The following CUL5 variants were observed in gnomAD, a reference collection of about 807,000 sequenced individuals.
The protein encoded by CUL5 is cullin-5.
In CUL5, 26 loss-of-function variants were observed where a neutral mutation model predicts 108.8. That is an observed-to-expected ratio of 0.24 (90% confidence interval 0.18 to 0.33). The LOEUF (loss-of-function observed/expected upper bound fraction) is 0.33. CUL5 is among the 10% of genes least tolerant of loss of function. The pLI, the probability that CUL5 is intolerant of heterozygous loss-of-function variation, is 1.00. For missense variants in CUL5, 524 were observed against 909.2 expected (o/e 0.58, Z 5.45); for synonymous variants, 334 against 298.0 (o/e 1.12, Z -1.25).
At chr11:108,080,182 C>G in intron 11 of CUL5, among the ~76,000 whole-genome samples, 1 of 150,952 alleles carries the variant, frequency 6.6e-6, no homozygotes, top group Non-Finnish European at 1.5e-5. Context: ...CTGCAGCCTC[C>G]ACCTCCTGGG....
At position 108,009,100 on chromosome 11, in the gene CUL5, T is replaced by C. The variant is rs1861990342; in HGVS notation, c.-249T>C. ...ACCTTCTCAGCATTCGCCGTTCCGG[T>C]CTTCCTGAGCGCGTGCATGAGGTCT... On this transcript the variant is annotated 5_prime_UTR_variant, in exon 1 of 19. Transcript: ENST00000393094. 1.8e-6 allele frequency: 1 copy of C among 553,884 alleles called. No homozygotes were observed. Among genetic ancestry groups the C allele is most frequent in the Non-Finnish European group, 3.2e-6 (1 of 309,178 alleles). 34.3% of individuals were successfully genotyped at this position (553,884 alleles called of 1,614,324 possible). A position where few individuals can be genotyped will look rare whatever the true frequency, so the allele number is the denominator to read the frequency against.
intron 12 of CUL5, among the ~76,000 whole-genome samples, chr11:108,089,212 T>A (rs1051647161): frequency 6.6e-6 from 1 of 152,006 alleles, no homozygotes; most frequent in Non-Finnish European, 1.5e-5. Context: ...CAGGGGGACA[T>A]TGATTTTTTT....
rs751830357 is a variant in CUL5 at position 108,024,782 on chromosome 11, T to TA, written c.25-9011dup. 1.8e-3 allele frequency among the ~76,000 whole-genome samples: 265 copies of TA among 150,992 alleles called. 1 individual carries two copies. The highest frequency in any genetic ancestry group is 2.8e-3 in the Non-Finnish European group (190 of 67,644). On this transcript the variant is annotated intron_variant, in intron 1 of 18. Transcript: ENST00000393094. ...TTAGTGAAATGCCATATATTTGCAA[T>TA]AAAAAAAAATAGTAGAAAATCTTGG...
rs1863310427 is a variant in CUL5, at chr11:108,054,061, G to A, written c.554-586G>A. ...GGGTTTTGCCATAGTGGCCAGGCTGGTCTTGAACTCCTGACCTCAAGTAAT... is the reference window on the plus strand; with the variant it reads ...GGGTTTTGCCATAGTGGCCAGGCTGATCTTGAACTCCTGACCTCAAGTAAT... On this transcript the variant is annotated intron_variant, in intron 5 of 18. Transcript: ENST00000393094. Among the ~76,000 whole-genome samples the A allele has an allele frequency of 2.6e-5, 4 of 152,106 alleles. No individual in the cohort carries two copies. In the South Asian group the frequency reaches 8.3e-4, roughly 32 times the overall value.
chr11:108,069,432 A>G (rs991943978), intron 7 of CUL5, among the ~76,000 whole-genome samples: 5 of 152,128 alleles, frequency 3.3e-5, no homozygotes, highest in Non-Finnish European at 2.9e-5. Context: ...TGGTATTCCT[A>G]GAATACGTAA....
At chr11:108,044,247 T>TATA (rs1863008599) in intron 2 of CUL5, among the ~76,000 whole-genome samples, 1 of 152,126 alleles carries the variant, frequency 6.6e-6, no homozygotes, top group Non-Finnish European at 1.5e-5. Context: ...CCAACCCCAG[T>TATA]GGCTCATGCC....
intron 8 of CUL5, among the ~76,000 whole-genome samples, chr11:108,070,999 TTTA>T (rs1276950107): frequency 1.3e-5 from 2 of 152,204 alleles, no homozygotes; most frequent in Non-Finnish European, 2.9e-5. Flanking sequence ...TTCAAAAGGA[TTTA>T]TTTAGTGGTA....
chr11:108,064,461 A>G (rs1180472881), intron 7 of CUL5, among the ~76,000 whole-genome samples: 1 of 152,192 alleles, frequency 6.6e-6, no homozygotes, highest in African/African-American at 2.4e-5. Flanking sequence ...TAATCCCAGC[A>G]CATTAGGAGG....
At chr11:108,068,475 C>A (rs112590413) in intron 7 of CUL5, among the ~76,000 whole-genome samples, 1 of 151,866 alleles carries the variant, frequency 6.6e-6, no homozygotes, top group Admixed American at 6.6e-5. Context: ...ATTCTTTATT[C>A]GGAAAATTTT....
intron 11 of CUL5, among the ~76,000 whole-genome samples, chr11:108,086,887 G>A (rs1024063204): frequency 1.3e-5 from 2 of 152,176 alleles, no homozygotes; most frequent in African/African-American, 4.8e-5. Context: ...AATGAGTTAG[G>A]TATCAGATCC....
Position 108,104,922 on chromosome 11 carries a change from A to AT in CUL5, c.*539dup, listed in dbSNP as rs1864754567. 6.6e-6 allele frequency: 1 copy of AT among 152,646 alleles called. No individual in the cohort carries two copies. The highest frequency in any genetic ancestry group is 2.4e-5 in the African/African-American group (1 of 41,468). The allele number at this position is 152,646 out of a possible 1,614,324, so 9.5% of individuals were successfully genotyped here. A position where few individuals can be genotyped will look rare whatever the true frequency, so the allele number is the denominator to read the frequency against. On this transcript the variant is annotated 3_prime_UTR_variant, in exon 19 of 19. Coordinates refer to ENST00000393094, the MANE Select transcript of CUL5 (RefSeq NM_003478.6). ...ATGTAGGTGAGAAGTTAAGTATTTAATAGTATCAAATTGTTCAAACATTGC... is the reference window on the plus strand; with the variant it reads ...ATGTAGGTGAGAAGTTAAGTATTTAATTAGTATCAAATTGTTCAAACATTGC...
At chr11:108,055,443 T>TA (rs1253322296) in intron 7 of CUL5, among the ~76,000 whole-genome samples, 1 of 152,040 alleles carries the variant, frequency 6.6e-6, no homozygotes, top group Non-Finnish European at 1.5e-5. Flanking sequence ...TGTCATGAGG[T>TA]AAAAATATTA....
intron 1 of CUL5, among the ~76,000 whole-genome samples, chr11:108,029,560 C>T (rs1467157010): frequency 2.0e-5 from 3 of 152,098 alleles, no homozygotes; most frequent in African/African-American, 7.2e-5. Flanking sequence ...ATAAGGCATT[C>T]TGTTTTGTAG....
In CUL5 at chr11:108,070,207, T is replaced by C; in HGVS notation, c.874+18T>C. 1.9e-6 allele frequency: 3 copies of C among 1,545,178 alleles called. No homozygotes were observed. The African/African-American group carries it at 4.1e-5, about 21-fold the overall frequency. On this transcript the variant is annotated intron_variant, in intron 8 of 18. Coordinates refer to ENST00000393094, the MANE Select transcript of CUL5 (RefSeq NM_003478.6). ...AACTGAAAGTAGGTAAAACATCACA[T>C]AAAGTTATCATAATCTTCTAAGAGG...
At chr11:108,022,516 AT>A (rs1426337059) in intron 1 of CUL5, among the ~76,000 whole-genome samples, 6 of 151,992 alleles carry the variant, frequency 3.9e-5, no homozygotes, top group African/African-American at 7.2e-5. Flanking sequence ...GGGGATATGC[AT>A]TTTTTTTAAG....
chr11:108,051,073 AT>A (rs1468547405), intron 4 of CUL5, among the ~76,000 whole-genome samples: 1 of 152,206 alleles, frequency 6.6e-6, no homozygotes, highest in Admixed American at 6.5e-5. Context: ...AGGCATTACA[AT>A]AGTGTAACCT....
chr11:108,095,065 A>G, intron 15 of CUL5, 78 bp downstream of exon 15: 1 of 1,279,786 alleles, frequency 7.8e-7, no homozygotes, highest in African/African-American at 1.5e-5. Flanking sequence ...TGCTTAAACA[A>G]AATAGATTTT....
chr11:108,039,210 G>A (rs142206248), intron 2 of CUL5, among the ~76,000 whole-genome samples: 17 of 151,938 alleles, frequency 1.1e-4, no homozygotes, highest in African/African-American at 4.1e-4. Flanking sequence ...AGTAGAGATG[G>A]GGTTTCTTCA....
At chr11:108,037,776 A>G (rs1391745779) in intron 2 of CUL5, among the ~76,000 whole-genome samples, 2 of 152,232 alleles carry the variant, frequency 1.3e-5, no homozygotes, top group Non-Finnish European at 2.9e-5. Context: ...AACGTAAGTC[A>G]CACTGTTTGT....
Sources: gnomAD v4.1 joint callset for allele counts (sites outside exome capture counted in the v4.1 genomes callset) on GRCh38, gnomAD v4.1.1 for gene constraint, MANE v1.5 for transcripts, NCBI Gene and HGNC (gene_info 2026-07-23, HGNC 2026-07-21) for gene names.